Variants in CCDC141 observed in about 807,000 individuals in gnomAD.
CCDC141 encodes coiled-coil domain-containing protein 141.
A neutral mutation model predicts 181.0 loss-of-function variants in CCDC141; 168 were observed. The observed-to-expected ratio is 0.93, with a 90% confidence interval of 0.82 to 1.05. CCDC141 has a LOEUF of 1.05. Among genes scored for constraint, CCDC141 ranks in the 50% least tolerant of loss-of-function variants. The probability of loss-of-function intolerance (pLI) is 0.00; values close to 1 mark genes in which losing one functional copy is unlikely to be tolerated. For synonymous variants in CCDC141, 666 were observed against 642.3 expected, an observed-to-expected ratio of 1.04 and a Z score of -0.56; for missense variants, 1,902 against 1,788.5, an observed-to-expected ratio of 1.06 and a Z score of -1.14.
At chr2:178,958,662 G>A (rs1203728334) in intron 5 of CCDC141, among the ~76,000 whole-genome samples, 1 of 151,758 alleles carries the variant, frequency 6.6e-6, no homozygotes, top group Non-Finnish European at 1.5e-5. Context: ...CATGTGGCTG[G>A]GTTAGAATGT....
At chr2:178,934,949 C>T (rs190866419) in intron 6 of CCDC141, among the ~76,000 whole-genome samples, 162 of 152,160 alleles carry the variant, frequency 1.1e-3, no homozygotes, top group African/African-American at 3.8e-3. Flanking sequence ...TAATATGCTG[C>T]TTACTATTTA....
At chr2:178,944,064 A>T (rs966562412) in intron 6 of CCDC141, among the ~76,000 whole-genome samples, 4 of 152,336 alleles carry the variant, frequency 2.6e-5, no homozygotes, top group Non-Finnish European at 5.9e-5. Context: ...TTAGAAAGCT[A>T]AAATGTATAA....
chr2:178,953,251 A>C (rs1274600947), intron 5 of CCDC141, among the ~76,000 whole-genome samples: 1 of 152,134 alleles, frequency 6.6e-6, no homozygotes, highest in African/African-American at 2.4e-5. Flanking sequence ...CCTGGCTAAC[A>C]TGGTGAAACT....
At chr2:178,934,031 T>A (rs150037729) in intron 6 of CCDC141, among the ~76,000 whole-genome samples, 1 of 151,362 alleles carries the variant, frequency 6.6e-6, no homozygotes, top group East Asian at 1.9e-4. Flanking sequence ...AAGATTGACA[T>A]TTTTTTTTAG....
intron 2 of CCDC141, among the ~76,000 whole-genome samples, chr2:178,987,887 C>A (rs1480871631): frequency 2.5e-4 from 38 of 150,640 alleles, no homozygotes; most frequent in African/African-American, 9.3e-4. Context: ...TAAACTAGTT[C>A]AACCATTGTG....
At chr2:178,910,943 TGGAG>T (rs1254395460) in intron 7 of CCDC141, among the ~76,000 whole-genome samples, 1 of 152,216 alleles carries the variant, frequency 6.6e-6, no homozygotes, top group African/African-American at 2.4e-5. Context: ...CAACAAGGAA[TGGAG>T]GAAGTTTATG....
intron 2 of CCDC141, among the ~76,000 whole-genome samples, chr2:179,045,712 T>A (rs150024012): frequency 0.021 from 3,127 of 152,170 alleles, 111 homozygotes; most frequent in African/African-American, 0.07. Flanking sequence ...TTCTAACTGG[T>A]GTGAGATGGT....
chr2:179,047,909 C>T (rs2043552551), intron 1 of CCDC141, among the ~76,000 whole-genome samples: 4 of 152,280 alleles, frequency 2.6e-5, no homozygotes, highest in South Asian at 4.1e-4. Context: ...TAATAAATAT[C>T]AGATGAAGAA....
At chr2:178,934,254 A>G (rs1403082700) in intron 6 of CCDC141, among the ~76,000 whole-genome samples, 1 of 152,168 alleles carries the variant, frequency 6.6e-6, no homozygotes, top group East Asian at 1.9e-4. Context: ...GAGTTCTATT[A>G]TACGAACATT....
chr2:178,933,264 T>C (rs10930845), intron 6 of CCDC141, among the ~76,000 whole-genome samples: 64,714 of 152,026 alleles, frequency 0.43, 14,372 homozygotes, highest in East Asian at 0.71. Context: ...ATGAACAATA[T>C]ATGTCATAAT....
intron 14 of CCDC141, 129 bp downstream of exon 14, chr2:178,871,298 T>A: frequency 1.8e-6 from 2 of 1,129,468 alleles, no homozygotes; most frequent in East Asian, 2.4e-5. Context: ...AGTGGATTTT[T>A]AGACAAGCAA....
intron 12 of CCDC141, 39 bp from the exon 13 acceptor site, chr2:178,872,351 C>A: frequency 6.5e-7 from 1 of 1,531,938 alleles, no homozygotes; most frequent in Non-Finnish European, 8.9e-7. Context: ...TTTTCTTTCC[C>A]AAGAGATACA....
intron 2 of CCDC141, among the ~76,000 whole-genome samples, chr2:178,997,400 A>G (rs891586574): frequency 6.6e-6 from 1 of 152,156 alleles, no homozygotes; most frequent in East Asian, 1.9e-4. Context: ...CCTAAGGAGC[A>G]GTATGTATCA....
chr2:178,867,235 C>G (rs1444829339), intron 16 of CCDC141, among the ~76,000 whole-genome samples: 3 of 152,188 alleles, frequency 2.0e-5, no homozygotes, highest in East Asian at 1.9e-4. Context: ...AATGATAGCT[C>G]TGGCCTGGAT....
chr2:178,916,994 C>T (rs1270815442), intron 7 of CCDC141, among the ~76,000 whole-genome samples: 1 of 150,870 alleles, frequency 6.6e-6, no homozygotes, highest in Non-Finnish European at 1.5e-5. Flanking sequence ...CTGTTAAAAC[C>T]CAGAAAAATA....
chr2:178,954,812 C>CAA (rs200345391), intron 5 of CCDC141, among the ~76,000 whole-genome samples: 1 of 137,256 alleles, frequency 7.3e-6, no homozygotes, highest in South Asian at 2.2e-4. Flanking sequence ...ACAGAACTGA[C>CAA]AAAAAAAAAA....
chr2:178,934,535 G>A (rs990356445), intron 6 of CCDC141, among the ~76,000 whole-genome samples: 1 of 152,086 alleles, frequency 6.6e-6, no homozygotes, highest in Non-Finnish European at 1.5e-5. Context: ...GGTAAAGAAA[G>A]TATAATTAAA....
chr2:178,874,983 GCAGAGACGT>G (rs1294188826), intron 12 of CCDC141: 2 of 152,178 alleles, frequency 1.3e-5, no homozygotes, highest in Non-Finnish European at 2.9e-5. Flanking sequence ...CCTGCCAGGG[GCAGAGACGT>G]CAGAGAAAGC....
chr2:179,003,568 A>G (rs555439063), intron 2 of CCDC141, among the ~76,000 whole-genome samples: 61 of 152,296 alleles, frequency 4.0e-4, no homozygotes, highest in African/African-American at 1.4e-3. Flanking sequence ...TATTTTAATT[A>G]TGTTTATCTT....
Sources: gnomAD v4.1 joint callset for allele counts (sites outside exome capture counted in the v4.1 genomes callset) on GRCh38, gnomAD v4.1.1 for gene constraint, MANE v1.5 for transcripts, NCBI Gene and HGNC (gene_info 2026-07-23, HGNC 2026-07-21) for gene names.